Variants in AGAP3 observed in about 807,000 individuals in gnomAD.
The protein encoded by AGAP3 is arf-GAP with GTPase, ANK repeat and PH domain-containing protein 3.
Under a neutral mutation model 96.9 loss-of-function variants are expected in AGAP3, and 24 were observed. The observed-to-expected ratio is 0.25, with a 90% CI of 0.18 to 0.35. AGAP3 has a LOEUF of 0.35. AGAP3 is among the 10% of genes least tolerant of loss of function. The pLI, the probability that AGAP3 is intolerant of heterozygous loss-of-function variation, is 1.00. For missense variants in AGAP3, 876 were observed against 1,254.2 expected (o/e 0.70, Z 4.55); for synonymous variants, 563 against 536.1 (o/e 1.05, Z -0.69).
Position 151,104,859 on chromosome 7 carries a change from T to C in AGAP3, c.332-11934T>C, listed in dbSNP as rs371850463. Among the ~76,000 whole-genome samples the C allele has an allele frequency of 1.4e-4, 21 of 152,140 alleles. No individual in the cohort carries two copies. The East Asian group carries it at 4.1e-3, about 29-fold the overall frequency. ...TGACTGTCCCTCAGCAGGGGAAGGGTTGAAGAACGGACAGAACATGCATAC... is the reference window on the plus strand; with the variant it reads ...TGACTGTCCCTCAGCAGGGGAAGGGCTGAAGAACGGACAGAACATGCATAC... On this transcript the variant is annotated intron_variant, in intron 1 of 17. Coordinates refer to ENST00000397238, the MANE Select transcript of AGAP3 (RefSeq NM_031946.7).
chr7:151,128,405 A>G (rs2288651), intron 9 of AGAP3, 175 bp from the exon 10 acceptor site: 209,141 of 571,762 alleles, frequency 0.37, 38,967 homozygotes, highest in Admixed American at 0.47. Context: ...CTGGGGAAGG[A>G]CTGGTCTAAG....
At chr7:151,134,308 C>A in intron 10 of AGAP3, 92 bp from the exon 11 acceptor site, 1 of 1,431,824 alleles carries the variant, frequency 7.0e-7, no homozygotes, top group South Asian at 1.2e-5. Context: ...CCTCTCCTCC[C>A]ACAGCAGGGA....
chr7:151,122,615 C>T (rs974946061), intron 8 of AGAP3: 4 of 1,281,374 alleles, frequency 3.1e-6, no homozygotes, highest in Admixed American at 4.3e-5. Flanking sequence ...CTCTTCATCC[C>T]GCTGCCGCCG....
At position 151,117,423 on chromosome 7, in the gene AGAP3, G is replaced by A. The variant is rs1799646898; in HGVS notation, c.531G>A (p.Leu177=). Residue 177 remains leucine, a synonymous_variant, in exon 4 of 18, where the codon CTG becomes CTA. Transcript: ENST00000397238. ...IVVDGQSYLL[L]IRDEGGPPEL... is the part of the protein sequence containing the mutation. The stretch of plus-strand genomic sequence containing the variant: ...TGGATGGCCAGAGTTACCTGCTGCT[G>A]ATCCGAGATGAAGGAGGCCCCCCTG... The A allele has an allele frequency of 1.2e-6, 2 of 1,614,222 alleles. No homozygotes were observed. Among genetic ancestry groups the A allele is most frequent in the East Asian group, 4.5e-5 (2 of 44,884 alleles).
chr7:151,127,354 G>GC (rs1474734245), intron 9 of AGAP3, among the ~76,000 whole-genome samples: 1 of 152,118 alleles, frequency 6.6e-6, no homozygotes, highest in African/African-American at 2.4e-5. Context: ...CTCTCTGGGC[G>GC]CCCCCTCCTC....
In AGAP3 at chr7:151,143,227, C is replaced by G; in HGVS notation, c.2274-114C>G. ...TTTTGCTCCATCTCATCTTCTCTCA[C>G]TGTTTCTTCCTTGTTCCCCCGGGTG... On this transcript the variant is annotated intron_variant, in intron 16 of 17. Transcript: ENST00000397238. The surrounding 1 kb of genome is among the most constrained non-coding windows in gnomAD (Gnocchi z 5.9). 1.5e-6 allele frequency: 2 copies of G among 1,318,246 alleles called. No homozygotes were observed. The highest frequency in any genetic ancestry group is 2.1e-6 in the Non-Finnish European group (2 of 965,482). The allele number at this position is 1,318,246 out of a possible 1,614,324, so 81.7% of individuals were successfully genotyped here. A position where few individuals can be genotyped will look rare whatever the true frequency, so the allele number is the denominator to read the frequency against.
chr7:151,097,639 G>T (rs6970547), intron 1 of AGAP3, among the ~76,000 whole-genome samples: 13 of 152,038 alleles, frequency 8.6e-5, no homozygotes, highest in Admixed American at 6.5e-4. Flanking sequence ...AGCTTTTTAC[G>T]GGTGGCAGAA....
chr7:151,094,643 T>C (rs909316018), intron 1 of AGAP3, among the ~76,000 whole-genome samples: 1 of 152,210 alleles, frequency 6.6e-6, no homozygotes, highest in Non-Finnish European at 1.5e-5. Context: ...ATTCTGTACA[T>C]ATCCTTTATT....
At chr7:151,134,130 G>A (rs1800500253) in intron 10 of AGAP3, among the ~76,000 whole-genome samples, 1 of 152,150 alleles carries the variant, frequency 6.6e-6, no homozygotes, top group Non-Finnish European at 1.5e-5. Flanking sequence ...TTGTTCCTGA[G>A]GGCCTGAGCC....
intron 9 of AGAP3, among the ~76,000 whole-genome samples, chr7:151,124,318 TTAAAG>T (rs2150497447): frequency 6.6e-6 from 1 of 152,270 alleles, no homozygotes; most frequent in African/African-American, 2.4e-5. Flanking sequence ...CTGTTCGTCT[TTAAAG>T]AAAAAAGTAG....
In AGAP3 at chr7:151,120,071, A is replaced by T. The variant is rs768744144; in HGVS notation, c.1054A>T (p.Ile352Phe). Residue 352 changes from isoleucine (I) to phenylalanine (F), a missense_variant, in exon 8 of 18, where the codon ATC becomes TTC. Around this residue, in one of 8 missense-constraint regions of AGAP3, gnomAD observed 100 missense variants for 129.4 expected, o/e 0.77. Coordinates refer to ENST00000397238, the MANE Select transcript of AGAP3 (RefSeq NM_031946.7). ...CAGCATCAGCCAGCGGGAGCTGCGC[A>T]TCGAGACCATCGCTGCCTCCTCCAC... The part of the protein sequence containing the change: ...TPSISQRELR[I>F]ETIAASSTPT... The T allele has an allele frequency of 6.2e-7, 1 of 1,613,846 alleles. No homozygotes were observed. Among genetic ancestry groups the T allele is most frequent in the Non-Finnish European group, 8.5e-7 (1 of 1,179,874 alleles).
intron 10 of AGAP3, among the ~76,000 whole-genome samples, chr7:151,132,725 G>A (rs1800447602): frequency 6.6e-6 from 1 of 152,252 alleles, no homozygotes; most frequent in South Asian, 2.1e-4. Flanking sequence ...AGTGCAGGCG[G>A]AGGCTGGTGT....
At chr7:151,128,780 G>A in intron 10 of AGAP3, 96 bp downstream of exon 10, 1 of 1,049,054 alleles carries the variant, frequency 9.5e-7, no homozygotes, top group Non-Finnish European at 1.4e-6. Context: ...AGGATGGACG[G>A]GAAGCAGACC....
rs1184392579 is a variant in AGAP3, at chr7:151,140,441, C to T, written c.1804+325C>T. The T allele has an allele frequency of 5.1e-6, 1 of 194,560 alleles. No individual in the cohort carries two copies. The highest frequency in any genetic ancestry group is 1.0e-5 in the Non-Finnish European group (1 of 96,556). 12.1% of individuals were successfully genotyped at this position (194,560 alleles called of 1,614,324 possible). ...TGTGTTTTCTGTCTCTTGTGTCATA[C>T]CGAGTTTAATAAAGTGCTGGGTACT... On this transcript the variant is annotated intron_variant, in intron 13 of 17. Coordinates refer to ENST00000397238, the MANE Select transcript of AGAP3 (RefSeq NM_031946.7). This position sits in a 1 kb window ranked among gnomAD's most constrained non-coding sequence, Gnocchi z 5.4.
chr7:151,102,359 C>G (rs1798865188), intron 1 of AGAP3, among the ~76,000 whole-genome samples: 1 of 152,220 alleles, frequency 6.6e-6, no homozygotes, highest in Non-Finnish European at 1.5e-5. Flanking sequence ...CCACCCCACA[C>G]TCCAGCACTT....
chr7:151,126,080 G>T (rs939077379), intron 9 of AGAP3, among the ~76,000 whole-genome samples: 4 of 151,576 alleles, frequency 2.6e-5, no homozygotes, highest in Non-Finnish European at 1.5e-5. Flanking sequence ...GGGGCTGAGC[G>T]GCCCGGTCGT....
intron 1 of AGAP3, among the ~76,000 whole-genome samples, chr7:151,090,328 C>T (rs1265765230): frequency 4.2e-5 from 6 of 143,438 alleles, no homozygotes; most frequent in Non-Finnish European, 9.0e-5. Context: ...CGGAGCTGGG[C>T]TTTGTCAGCT....
At position 151,139,062 on chromosome 7, in the gene AGAP3, G is replaced by T. The variant is rs184876654; in HGVS notation, c.1666+749G>T. ...TCTGAAGTTCTGAAGGCTCAAAAGG[G>T]CATGGAGCCAGCTCTCCTCTCCTGT... On this transcript the variant is annotated intron_variant, in intron 12 of 17. Coordinates refer to ENST00000397238, the MANE Select transcript of AGAP3 (RefSeq NM_031946.7). This position sits in a 1 kb window ranked among gnomAD's most constrained non-coding sequence, Gnocchi z 4.9. Among the ~76,000 whole-genome samples, 9 of 152,314 alleles carry T rather than the reference G, an allele frequency of 5.9e-5. No individual in the cohort carries two copies. In the East Asian group the frequency reaches 1.5e-3, roughly 26 times the overall value.
rs1023886655 is a variant in AGAP3, at chr7:151,133,130, A to C, written c.1327-1270A>C. On this transcript the variant is annotated intron_variant, in intron 10 of 17. Coordinates refer to ENST00000397238, the MANE Select transcript of AGAP3 (RefSeq NM_031946.7). The surrounding 1 kb of genome is among the most constrained non-coding windows in gnomAD (Gnocchi z 5.4). ...GAAAGGAGGAGCGGCTTTATGTCCAATCAATGTAATTCAGTCAGAAGTTAA... is the reference window on the plus strand; with the variant it reads ...GAAAGGAGGAGCGGCTTTATGTCCACTCAATGTAATTCAGTCAGAAGTTAA... Among the ~76,000 whole-genome samples, 1 of 152,152 alleles carries C rather than the reference A, an allele frequency of 6.6e-6. No homozygotes were observed. The highest frequency in any genetic ancestry group is 2.4e-5 in the African/African-American group (1 of 41,430).
Sources: gnomAD v4.1 joint callset for allele counts (sites outside exome capture counted in the v4.1 genomes callset) on GRCh38, gnomAD v4.1.1 for gene constraint, gnomAD v4.1.1 regional missense constraint, Gnocchi (gnomAD v3.1) non-coding constraint, MANE v1.5 for transcripts, NCBI Gene and HGNC (gene_info 2026-07-23, HGNC 2026-07-21) for gene names.